The following NRG1 variants were observed in gnomAD, a reference collection of about 807,000 sequenced individuals.
The protein encoded by NRG1 is neuregulin 1.
NRG1 carries 18 observed loss-of-function variants against 63.8 expected under a neutral mutation model. The observed-to-expected ratio is 0.28, with a 90% confidence interval of 0.19 to 0.42. The LOEUF (loss-of-function observed/expected upper bound fraction) is 0.42. NRG1 is among the 10% of genes least tolerant of loss of function. The pLI is 1.00. For synonymous variants in NRG1, 302 were observed against 301.3 expected, an observed-to-expected ratio of 1.00 and a Z score of -0.02; for missense variants, 762 against 814.7, an observed-to-expected ratio of 0.94 and a Z score of 0.79.
intron 1 of NRG1, among the ~76,000 whole-genome samples, chr8:32,123,665 C>A (rs1299592231): frequency 6.7e-6 from 1 of 148,954 alleles, no homozygotes; most frequent in African/African-American, 2.4e-5. Flanking sequence ...TGTAATTTTT[C>A]ATTCTGTCTT....
rs115111758 is a variant in NRG1, at chr8:31,688,810, G to C, written c.37+49379G>C. Among the ~76,000 whole-genome samples the C allele has an allele frequency of 4.3e-3, 647 of 152,226 alleles. 8 individuals carry two copies. Among genetic ancestry groups the C allele is most frequent in the African/African-American group, 0.015 (604 of 41,548 alleles). On this transcript the variant is annotated intron_variant, in intron 1 of 10. Coordinates refer to the NRG1 transcript ENST00000519301. The stretch of plus-strand genomic sequence containing the variant: ...TTTATATGTTCATTTTTCTGTTGCT[G>C]ATGTAACAAATTATCACACATTTGG...
chr8:32,663,956 T>G (rs556319007), intron 5 of NRG1, among the ~76,000 whole-genome samples: 25 of 152,326 alleles, frequency 1.6e-4, no homozygotes, highest in African/African-American at 6.0e-4. Flanking sequence ...ACTTTCCTCC[T>G]TAGTCTCTAT....
intron 1 of NRG1, among the ~76,000 whole-genome samples, chr8:31,855,513 C>T (rs1263131838): frequency 2.0e-4 from 31 of 152,160 alleles, no homozygotes; most frequent in African/African-American, 6.3e-4. Flanking sequence ...TGTCTCTGCA[C>T]GTGAGATGGG....
chr8:31,967,414 G>A (rs1358317064), intron 1 of NRG1, among the ~76,000 whole-genome samples: 1 of 152,134 alleles, frequency 6.6e-6, no homozygotes, highest in Non-Finnish European at 1.5e-5. Flanking sequence ...ATAGTGAGAA[G>A]TACTCAGGTC....
intron 1 of NRG1, among the ~76,000 whole-genome samples, chr8:32,215,871 G>A (rs1036259626): frequency 5.3e-5 from 8 of 151,878 alleles, no homozygotes; most frequent in South Asian, 2.1e-4. Context: ...GTGAAAACCC[G>A]TTTCTACTAA....
chr8:32,113,394 C>T (rs1832293534), intron 1 of NRG1, among the ~76,000 whole-genome samples: 1 of 152,152 alleles, frequency 6.6e-6, no homozygotes, highest in Admixed American at 6.5e-5. Context: ...CTTCTGGGGT[C>T]CCACCTTTCC....
chr8:32,360,703 A>C (rs1466790209), intron 1 of NRG1, among the ~76,000 whole-genome samples: 1 of 152,146 alleles, frequency 6.6e-6, no homozygotes, highest in African/African-American at 2.4e-5. Flanking sequence ...CCAAACCTGA[A>C]CCAGCATTTT....
chr8:32,354,316 C>T (rs546705876), intron 1 of NRG1, among the ~76,000 whole-genome samples: 1 of 152,238 alleles, frequency 6.6e-6, no homozygotes, highest in Admixed American at 6.5e-5. Context: ...TTGCAGTGAG[C>T]CGAGATCGTG....
chr8:32,227,470 A>G (rs187525772), intron 1 of NRG1, among the ~76,000 whole-genome samples: 1 of 152,262 alleles, frequency 6.6e-6, no homozygotes, highest in East Asian at 1.9e-4. Context: ...AAACTGTCCT[A>G]TTTTTGGAAG....
intron 1 of NRG1, among the ~76,000 whole-genome samples, chr8:31,705,682 C>G (rs1811081982): frequency 6.6e-6 from 1 of 152,158 alleles, no homozygotes. Flanking sequence ...TCTTGGCTTT[C>G]TTCCCAATTA....
intron 1 of NRG1, among the ~76,000 whole-genome samples, chr8:32,101,382 A>AGCGTTGCTC (rs1830554907): frequency 6.6e-6 from 1 of 152,100 alleles, no homozygotes. Flanking sequence ...AAAACATAGG[A>AGCGTTGCTC]AACAACTATG....
chr8:32,209,644 T>C (rs1350459049), intron 1 of NRG1, among the ~76,000 whole-genome samples: 1 of 152,220 alleles, frequency 6.6e-6, no homozygotes, highest in African/African-American at 2.4e-5. Context: ...TTTGCTTTTA[T>C]CAAATGAGCA....
intron 1 of NRG1, among the ~76,000 whole-genome samples, chr8:32,555,804 G>T (rs545992619): frequency 9.8e-5 from 15 of 152,312 alleles, no homozygotes; most frequent in Admixed American, 8.5e-4. Flanking sequence ...CACAGGCCTT[G>T]TTATTTATGG....
chr8:32,122,782 A>G (rs1179157873), intron 1 of NRG1, among the ~76,000 whole-genome samples: 1 of 134,670 alleles, frequency 7.4e-6, no homozygotes, highest in South Asian at 2.5e-4. Flanking sequence ...CGCTCCCCCC[A>G]CCCCACAACA....
intron 1 of NRG1, among the ~76,000 whole-genome samples, chr8:32,133,247 G>T (rs952927807): frequency 1.3e-5 from 2 of 152,064 alleles, no homozygotes; most frequent in African/African-American, 2.4e-5. Flanking sequence ...TGGTGTGCTG[G>T]TGTAACAATC....
At chr8:32,015,479 T>A (rs1301945779) in intron 1 of NRG1, among the ~76,000 whole-genome samples, 1 of 152,114 alleles carries the variant, frequency 6.6e-6, no homozygotes, top group Non-Finnish European at 1.5e-5. Context: ...AGCCCTAAAT[T>A]CTACAGGCAG....
intron 1 of NRG1, among the ~76,000 whole-genome samples, chr8:32,093,805 G>A (rs2131295892): frequency 6.6e-6 from 1 of 152,316 alleles, no homozygotes; most frequent in Admixed American, 6.5e-5. Context: ...TGTGGAGTTG[G>A]GAAGGAGAGT....
intron 1 of NRG1, among the ~76,000 whole-genome samples, chr8:31,851,929 G>A (rs1375019713): frequency 6.6e-6 from 1 of 151,264 alleles, no homozygotes; most frequent in South Asian, 2.1e-4. Context: ...CCCTACAAAG[G>A]ACATGAACTC....
chr8:31,929,208 G>A (rs987922838), intron 1 of NRG1, among the ~76,000 whole-genome samples: 1 of 152,082 alleles, frequency 6.6e-6, no homozygotes, highest in Non-Finnish European at 1.5e-5. Flanking sequence ...TTATTTATAA[G>A]AACTGTCCTT....
Sources: gnomAD v4.1 joint callset for allele counts (sites outside exome capture counted in the v4.1 genomes callset) on GRCh38, gnomAD v4.1.1 for gene constraint, MANE v1.5 for transcripts, NCBI Gene and HGNC (gene_info 2026-07-23, HGNC 2026-07-21) for gene names.